The following FOXM1 variants were observed in gnomAD, a reference collection of about 807,000 sequenced individuals.
FOXM1 encodes the protein forkhead box M1.
FOXM1 carries 25 observed loss-of-function variants against 63.6 expected under a neutral mutation model. That is an observed-to-expected ratio of 0.39 (90% confidence interval 0.29 to 0.55). The LOEUF (loss-of-function observed/expected upper bound fraction) is 0.55. FOXM1 is among the 20% of genes least tolerant of loss of function. The pLI is 0.60. For missense variants in FOXM1, 879 were observed against 958.7 expected (o/e 0.92, Z 1.10); for synonymous variants, 387 against 376.9 (o/e 1.03, Z -0.31).
intron 8 of FOXM1, among the ~76,000 whole-genome samples, chr12:2,862,205 T>C (rs1346447996): frequency 6.8e-6 from 1 of 146,442 alleles, no homozygotes; most frequent in Non-Finnish European, 1.5e-5. Flanking sequence ...AAAAGAGACA[T>C]GTAGAGAAGT....
intron 8 of FOXM1, among the ~76,000 whole-genome samples, chr12:2,862,135 T>C (rs1269189245): frequency 6.8e-6 from 1 of 146,666 alleles, no homozygotes; most frequent in Non-Finnish European, 1.5e-5. Flanking sequence ...GCCAAGATCA[T>C]GCCATTGCAC....
chr12:2,868,017 A>C (rs1383058798), intron 4 of FOXM1, among the ~76,000 whole-genome samples: 1 of 150,610 alleles, frequency 6.6e-6, no homozygotes, highest in East Asian at 1.9e-4. Context: ...TTCTACCATG[A>C]GGAAAACAAA....
Position 2,859,322 on chromosome 12 carries a change from CCT to C in FOXM1, c.1606_1607del (p.Arg536GlyfsTer21). 2 of 1,613,480 alleles carry C rather than the reference CCT, an allele frequency of 1.2e-6. No homozygotes were observed. Among genetic ancestry groups the C allele is most frequent in the Non-Finnish European group, 1.7e-6 (2 of 1,179,958 alleles). On this transcript the variant is annotated frameshift_variant, in exon 9 of 9. Coordinates refer to ENST00000359843, the MANE Select transcript of FOXM1 (RefSeq NM_021953.4). LOFTEE classifies it high-confidence loss of function. The stretch of plus-strand genomic sequence containing the variant: ...GAGACCGGCTCCTCTCCCTCCTCTC[CCT>C]GTGTTGAATCACAAGCATTTCCGAG... ...CVSEMLVIQH[R>X]ERRERSRSRR...
At chr12:2,862,463 A>G (rs1338159942) in intron 8 of FOXM1, among the ~76,000 whole-genome samples, 1 of 152,188 alleles carries the variant, frequency 6.6e-6, no homozygotes, top group South Asian at 2.1e-4. Context: ...CTACGGCCAC[A>G]TGAATGAATT....
chr12:2,868,485 G>T (rs2153937443), intron 4 of FOXM1, 78 bp downstream of exon 4: 2 of 993,652 alleles, frequency 2.0e-6, no homozygotes, highest in Non-Finnish European at 3.0e-6. Context: ...TGCTGTCCCA[G>T]ATACAAGTTG....
chr12:2,861,124 C>A (rs1409162796), intron 8 of FOXM1, among the ~76,000 whole-genome samples: 7 of 150,424 alleles, frequency 4.7e-5, no homozygotes, highest in African/African-American at 1.7e-4. Context: ...GCTGAGATCA[C>A]GCCACTGCAC....
intron 5 of FOXM1, 74 bp downstream of exon 5, chr12:2,866,319 G>A: frequency 1.5e-6 from 2 of 1,358,418 alleles, no homozygotes; most frequent in Non-Finnish European, 1.9e-6. Context: ...ATCACTAGCA[G>A]AACTTGTTTC....
In FOXM1 at chr12:2,864,842, G is replaced by C. The variant is rs561852574; in HGVS notation, c.1021-90C>G. On this transcript the variant is annotated intron_variant, in intron 6 of 8. Transcript: ENST00000359843. The surrounding 1 kb of genome is among the most constrained non-coding windows in gnomAD (Gnocchi z 5.1). ...CAAAACCCCACCAGCTGCTCTGGTGGTGTGTGCTTGAGTTAATGACAGCCC... is the reference window on the plus strand; with the variant it reads ...CAAAACCCCACCAGCTGCTCTGGTGCTGTGTGCTTGAGTTAATGACAGCCC... 2.7e-4 allele frequency: 384 copies of C among 1,412,062 alleles called. 5 individuals carry two copies. The South Asian group carries it at 3.6e-3, about 13-fold the overall frequency. 87.5% of individuals were successfully genotyped at this position (1,412,062 alleles called of 1,614,324 possible).
rs941710290 is a variant in FOXM1 at position 2,857,845 on chromosome 12, T to A, written c.*793A>T. 6.6e-6 allele frequency: 1 copy of A among 152,340 alleles called. No individual in the cohort carries two copies. Among genetic ancestry groups the A allele is most frequent in the Non-Finnish European group, 1.5e-5 (1 of 68,154 alleles). 9.4% of individuals were successfully genotyped at this position (152,340 alleles called of 1,614,324 possible). ...CCTTCTCAAGCCTCCACCTGAGTTC[T>A]CGTCAATGCCAGTCTCCCTGGTATG... On this transcript the variant is annotated 3_prime_UTR_variant, in exon 9 of 9. Coordinates refer to ENST00000359843, the MANE Select transcript of FOXM1 (RefSeq NM_021953.4).
At chr12:2,866,694 G>A (rs991573634) in intron 4 of FOXM1, among the ~76,000 whole-genome samples, 173 bp from the exon 5 acceptor site, 13 of 152,318 alleles carry the variant, frequency 8.5e-5, no homozygotes, top group South Asian at 2.1e-4. Flanking sequence ...CCGCAGAGCC[G>A]TCACCTTCAG....
Position 2,874,529 on chromosome 12 carries a change from G to GA in FOXM1, c.-47-5dup. On this transcript the variant is annotated splice_polypyrimidine_tract_variant and splice_region_variant and intron_variant, in intron 1 of 8. Coordinates refer to ENST00000359843, the MANE Select transcript of FOXM1 (RefSeq NM_021953.4). This position sits in a 1 kb window ranked among gnomAD's most constrained non-coding sequence, Gnocchi z 4.3. ...TTGAGAATCACAAGTGTGGACCCTG[G>GA]AAAATGCAAATAGTGGCAAGATGTT... The GA allele has an allele frequency of 6.5e-7, 1 of 1,532,584 alleles. No individual in the cohort carries two copies. The highest frequency in any genetic ancestry group is 1.3e-5 in the South Asian group (1 of 79,540). 94.9% of individuals were successfully genotyped at this position (1,532,584 alleles called of 1,614,324 possible). A position where few individuals can be genotyped will look rare whatever the true frequency, so the allele number is the denominator to read the frequency against.
intron 8 of FOXM1, among the ~76,000 whole-genome samples, chr12:2,861,077 A>G (rs1234828407): frequency 6.6e-6 from 1 of 151,564 alleles, no homozygotes; most frequent in Non-Finnish European, 1.5e-5. Context: ...CTGAGGCAGG[A>G]GAATCGCTTG....
Position 2,864,738 on chromosome 12 carries a change from C to T in FOXM1, c.1035G>A (p.Pro345=), listed in dbSNP as rs779569686. Reference sequence around the variant, plus strand: ...TCATGTTCCGGCGGAGCTCTGGATTCGGTCGTTTCTGCTGCTGCTTGTGGC... The same window carrying T: ...TCATGTTCCGGCGGAGCTCTGGATTTGGTCGTTTCTGCTGCTGCTTGTGGC... The part of the protein sequence containing the change: ...PEHLESQQKR[P]NPELRRNMTI... The change falls in exon 7 of 9, where the codon CCG becomes CCA. Residue 345 remains proline (P), a synonymous_variant. Transcript: ENST00000359843. The surrounding 1 kb of genome is among the most constrained non-coding windows in gnomAD (Gnocchi z 5.1). 9.9e-6 allele frequency: 16 copies of T among 1,614,008 alleles called. No homozygotes were observed. Among genetic ancestry groups the T allele is most frequent in the East Asian group, 6.7e-5 (3 of 44,876 alleles).
In FOXM1 at chr12:2,872,945, T is replaced by C. The variant is rs952679097; in HGVS notation, c.503-698A>G. ...GGTGCATGCCTATAGTCCCAGCTAC[T>C]TGGGAGGCTGATGTGGGAGAATGGC... On this transcript the variant is annotated intron_variant, in intron 2 of 8. Coordinates refer to ENST00000359843, the MANE Select transcript of FOXM1 (RefSeq NM_021953.4). The surrounding 1 kb of genome is among the most constrained non-coding windows in gnomAD (Gnocchi z 4.0). Among the ~76,000 whole-genome samples the C allele has an allele frequency of 1.3e-5, 2 of 152,064 alleles. No homozygotes were observed. Among genetic ancestry groups the C allele is most frequent in the Non-Finnish European group, 2.9e-5 (2 of 68,012 alleles).
chr12:2,865,491 G>T, intron 5 of FOXM1, 92 bp from the exon 6 acceptor site: 1 of 1,050,214 alleles, frequency 9.5e-7, no homozygotes, highest in Non-Finnish European at 1.4e-6. Flanking sequence ...ACTTATTCCT[G>T]ACTGATGACA....
rs2098098813 is a variant in FOXM1, at chr12:2,858,790, C to T, written c.2140G>A (p.Ala714Thr). 1.2e-6 allele frequency: 2 copies of T among 1,614,204 alleles called. No homozygotes were observed. Among genetic ancestry groups the T allele is most frequent in the African/African-American group, 1.3e-5 (1 of 75,040 alleles). The change falls in exon 9 of 9, where the codon GCC (alanine) becomes ACC (threonine). Residue 714 changes from alanine to threonine, a missense_variant. By Grantham distance (58) the Ala-to-Thr change is moderately conservative. Coordinates refer to ENST00000359843, the MANE Select transcript of FOXM1 (RefSeq NM_021953.4). ...SPEPQVSGLA[A>T]NRSLTEGLVL... The stretch of plus-strand genomic sequence containing the variant: ...AGGCCTTCTGTCAGAGAACGATTGG[C>T]TGCAAGGCCAGAAACCTGTGGCTCC...
Position 2,872,125 on chromosome 12 carries a change from TCTC to T in FOXM1, c.622_624del (p.Glu208del). The T allele has an allele frequency of 1.2e-6, 2 of 1,614,160 alleles. No individual in the cohort carries two copies. The highest frequency in any genetic ancestry group is 2.7e-5 in the African/African-American group (2 of 75,030). ...ACCTGTCGCTGCTCCAGGTGACAATTCTCCTTTTCCTCCATCTCTTGCTTGATG... is the reference window on the plus strand; with the variant it reads ...ACCTGTCGCTGCTCCAGGTGACAATTCTTTTCCTCCATCTCTTGCTTGATG... On this transcript the variant is annotated inframe_deletion, in exon 3 of 9. Coordinates refer to ENST00000359843, the MANE Select transcript of FOXM1 (RefSeq NM_021953.4). This position sits in a 1 kb window ranked among gnomAD's most constrained non-coding sequence, Gnocchi z 4.0.
At chr12:2,868,528 C>G in intron 4 of FOXM1, 35 bp downstream of exon 4, 2 of 1,560,174 alleles carry the variant, frequency 1.3e-6, no homozygotes, top group Non-Finnish European at 1.7e-6. Context: ...TCAGGCTGGG[C>G]TGACCTTGAT....
chr12:2,859,501 T>G lies in FOXM1; in HGVS notation c.1429A>C (p.Ile477Leu). Residue 477 changes from isoleucine (I) to leucine (L), a missense_variant, in exon 9 of 9, where the codon ATC becomes CTC. By Grantham distance (5) the Ile-to-Leu change is conservative (BLOSUM62 2). Around this residue, in one of 4 missense-constraint regions of FOXM1, gnomAD observed 486 missense variants for 453.5 expected, o/e 1.07. Transcript: ENST00000359843. ...TCCAAGGGAGGGCTCTCCACTTTGA[T>G]GGGTCTCGCTAAGTGTGGCATTTCC... ...GEEMPHLARP[I>L]KVESPPLEEW... is the part of the protein sequence containing the mutation. The G allele has an allele frequency of 6.2e-7, 1 of 1,613,984 alleles. No homozygotes were observed. The highest frequency in any genetic ancestry group is 2.2e-5 in the East Asian group (1 of 44,876).
Sources: allele counts gnomAD v4.1 joint callset (sites outside exome capture counted in the v4.1 genomes callset), GRCh38; gene constraint gnomAD v4.1.1; regional missense constraint gnomAD v4.1.1; non-coding constraint Gnocchi (gnomAD v3.1); transcripts MANE v1.5; gene names NCBI Gene and HGNC (gene_info 2026-07-23, HGNC 2026-07-21).